The following DPP10 variants were observed in gnomAD, a reference collection of about 807,000 sequenced individuals.
DPP10 encodes the protein inactive dipeptidyl peptidase 10.
In DPP10, 33 loss-of-function variants were observed where a neutral mutation model predicts 120.9. That is an observed-to-expected ratio of 0.27 (90% CI 0.21 to 0.37). The LOEUF is 0.37. Among genes scored for constraint, DPP10 ranks in the 10% least tolerant of loss-of-function variants. DPP10 has a pLI of 1.00. For missense variants in DPP10, 816 were observed against 942.8 expected (o/e 0.87, Z 1.76); for synonymous variants, 337 against 326.1 (o/e 1.03, Z -0.36).
chr2:115,541,990 T>G (rs139358866), intron 5 of DPP10, among the ~76,000 whole-genome samples: 1 of 151,852 alleles, frequency 6.6e-6, no homozygotes, highest in African/African-American at 2.4e-5. Context: ...ATCAGCAAAA[T>G]CCCCCCAGTG....
chr2:115,721,822 T>C (rs918253912), intron 7 of DPP10, among the ~76,000 whole-genome samples: 2 of 152,186 alleles, frequency 1.3e-5, no homozygotes, highest in African/African-American at 2.4e-5. Flanking sequence ...ATTGCAGCCC[T>C]ATTCACAATA....
chr2:114,871,768 A>C (rs1038622267), intron 1 of DPP10, among the ~76,000 whole-genome samples: 1 of 152,306 alleles, frequency 6.6e-6, no homozygotes, highest in African/African-American at 2.4e-5. Flanking sequence ...CCTGTTGGGA[A>C]CTGGGTCACA....
intron 1 of DPP10, among the ~76,000 whole-genome samples, chr2:115,166,246 CTA>C (rs1338258149): frequency 2.0e-5 from 3 of 151,940 alleles, no homozygotes; most frequent in African/African-American, 7.2e-5. Flanking sequence ...GATCAATAAA[CTA>C]TTGTTTTTAA....
intron 1 of DPP10, among the ~76,000 whole-genome samples, chr2:115,290,513 A>G (rs962440296): frequency 6.6e-6 from 1 of 152,188 alleles, no homozygotes; most frequent in African/African-American, 2.4e-5. Flanking sequence ...ACTTTCCTTT[A>G]TATTTGAACA....
chr2:114,834,737 ACCTATGTATATATAAGCCATGTCTACG>A lies in DPP10; in HGVS notation c.60+391901_60+391927del, dbSNP rs1156638541. On this transcript the variant is annotated intron_variant, in intron 1 of 25. Coordinates refer to ENST00000410059, the MANE Select transcript of DPP10 (RefSeq NM_020868.6). ...ATGTATATATAAGCCATGTCTACGC[ACCTATGTATATATAAGCCATGTCTACG>A]CACCTATGTATATATAAGCCATGTC... Among the ~76,000 whole-genome samples, 98 of 138,082 alleles carry A rather than the reference ACCTATGTATATATAAGCCATGTCTACG, an allele frequency of 7.1e-4. 6 individuals are homozygous for A. The highest frequency in any genetic ancestry group is 1.1e-3 in the Admixed American group (15 of 13,574). The allele number at this position is 138,082 out of a possible 152,430, so 90.6% of individuals were successfully genotyped here.
intron 1 of DPP10, among the ~76,000 whole-genome samples, chr2:115,241,572 C>T (rs2058283227): frequency 6.6e-6 from 1 of 152,060 alleles, no homozygotes; most frequent in South Asian, 2.1e-4. Context: ...TCTCTCTCTC[C>T]CCTACTGGCC....
At chr2:114,502,362 G>C (rs1683270475) in intron 1 of DPP10, among the ~76,000 whole-genome samples, 2 of 152,190 alleles carry the variant, frequency 1.3e-5, no homozygotes, top group South Asian at 2.1e-4. Context: ...ATTTAAACTG[G>C]ATTGCTACTT....
At chr2:115,199,968 C>T (rs1166627368) in intron 1 of DPP10, among the ~76,000 whole-genome samples, 1 of 152,036 alleles carries the variant, frequency 6.6e-6, no homozygotes, top group Non-Finnish European at 1.5e-5. Flanking sequence ...GACCTTTAAC[C>T]AACAGGAAGT....
At chr2:115,481,081 T>C (rs1404379271) in intron 3 of DPP10, among the ~76,000 whole-genome samples, 2 of 152,110 alleles carry the variant, frequency 1.3e-5, no homozygotes, top group East Asian at 3.9e-4. Context: ...TAAGATGAGA[T>C]ATGTGAGCCA....
intron 3 of DPP10, among the ~76,000 whole-genome samples, chr2:115,440,721 C>A (rs552595307): frequency 1.3e-5 from 2 of 152,260 alleles, no homozygotes; most frequent in South Asian, 4.1e-4. Flanking sequence ...GAGAGATAAA[C>A]AATTTAAAAG....
At chr2:114,696,853 C>T (rs1349316458) in intron 1 of DPP10, among the ~76,000 whole-genome samples, 1 of 151,852 alleles carries the variant, frequency 6.6e-6, no homozygotes, top group East Asian at 1.9e-4. Flanking sequence ...GCTTTAGACG[C>T]TGGCAAGCTT....
At chr2:114,853,313 A>G (rs1377294293) in intron 1 of DPP10, among the ~76,000 whole-genome samples, 1 of 152,122 alleles carries the variant, frequency 6.6e-6, no homozygotes, top group African/African-American at 2.4e-5. Context: ...TATAACTACT[A>G]CTAATTTTTT....
At chr2:115,004,656 C>A (rs963445455) in intron 1 of DPP10, among the ~76,000 whole-genome samples, 1 of 152,208 alleles carries the variant, frequency 6.6e-6, no homozygotes. Flanking sequence ...CTGCACTTTT[C>A]CGTTGGGCTT....
intron 1 of DPP10, among the ~76,000 whole-genome samples, chr2:115,172,240 C>T (rs999789168): frequency 1.4e-4 from 22 of 152,058 alleles, no homozygotes; most frequent in Admixed American, 5.2e-4. Context: ...GCTTCTCCCC[C>T]GGGCGTGGTG....
intron 5 of DPP10, among the ~76,000 whole-genome samples, chr2:115,529,115 TA>T (rs1204031966): frequency 1.3e-5 from 2 of 152,118 alleles, no homozygotes; most frequent in Non-Finnish European, 2.9e-5. Flanking sequence ...TAAAAGATTT[TA>T]ACTTGAAAAA....
chr2:115,522,160 G>A (rs755534763), intron 4 of DPP10, among the ~76,000 whole-genome samples: 5 of 152,036 alleles, frequency 3.3e-5, no homozygotes, highest in Non-Finnish European at 7.4e-5. Flanking sequence ...TTTTTCTATA[G>A]GACATTGTAT....
chr2:115,821,438 C>A (rs1342019466), intron 21 of DPP10, among the ~76,000 whole-genome samples: 1 of 151,950 alleles, frequency 6.6e-6, no homozygotes, highest in Admixed American at 6.6e-5. Context: ...TATTATCAGC[C>A]TTTCCACCTT....
chr2:115,537,107 T>C (rs1042368420), intron 5 of DPP10, among the ~76,000 whole-genome samples: 1 of 152,174 alleles, frequency 6.6e-6, no homozygotes, highest in East Asian at 1.9e-4. Flanking sequence ...CATTTTAAAC[T>C]GCAAGATGCA....
intron 5 of DPP10, among the ~76,000 whole-genome samples, chr2:115,597,490 A>G (rs1032392537): frequency 2.0e-5 from 3 of 151,630 alleles, no homozygotes; most frequent in East Asian, 3.9e-4. Flanking sequence ...ATTCCGCAAA[A>G]CAGGATCCAA....
Sources: allele counts gnomAD v4.1 joint callset (sites outside exome capture counted in the v4.1 genomes callset), GRCh38; gene constraint gnomAD v4.1.1; transcripts MANE v1.5; gene names NCBI Gene and HGNC (gene_info 2026-07-23, HGNC 2026-07-21).